Variants in GRM8 observed in about 807,000 individuals in gnomAD.
GRM8 encodes the protein metabotropic glutamate receptor 8.
GRM8 carries 47 observed loss-of-function variants against 87.2 expected under a neutral mutation model. The observed-to-expected ratio is 0.54, with a 90% CI of 0.43 to 0.69. GRM8 has a LOEUF of 0.69. Among genes scored for constraint, GRM8 ranks in the 30% least tolerant of loss-of-function variants. The probability of loss-of-function intolerance (pLI) is 0.00; values close to 1 mark genes in which losing one functional copy is unlikely to be tolerated. For missense variants in GRM8, 1,019 were observed against 1,139.2 expected, an observed-to-expected ratio of 0.89 and a Z score of 1.52; for synonymous variants, 396 against 404.5, an observed-to-expected ratio of 0.98 and a Z score of 0.25.
At chr7:126,815,146 T>G (rs1224574440) in intron 6 of GRM8, among the ~76,000 whole-genome samples, 3 of 152,152 alleles carry the variant, frequency 2.0e-5, no homozygotes, top group Admixed American at 2.0e-4. Flanking sequence ...CAACCTCATG[T>G]CATGAATAAT....
intron 9 of GRM8, among the ~76,000 whole-genome samples, chr7:126,456,597 G>A (rs1384192669): frequency 6.9e-6 from 1 of 145,236 alleles, no homozygotes; most frequent in African/African-American, 2.6e-5. Flanking sequence ...CAGGTCCATG[G>A]AGGAGAATGA....
At chr7:126,784,595 C>T (rs1287183455) in intron 6 of GRM8, among the ~76,000 whole-genome samples, 1 of 152,152 alleles carries the variant, frequency 6.6e-6, no homozygotes, top group Non-Finnish European at 1.5e-5. Flanking sequence ...ACACACGTTC[C>T]TAAATAGCCT....
chr7:126,849,753 C>T (rs981893564), intron 6 of GRM8, among the ~76,000 whole-genome samples: 6 of 152,102 alleles, frequency 3.9e-5, no homozygotes, highest in African/African-American at 1.4e-4. Context: ...CTAAGCTTTG[C>T]TCCCACCCAC....
At chr7:126,721,335 T>A (rs1812375345) in intron 7 of GRM8, among the ~76,000 whole-genome samples, 1 of 152,176 alleles carries the variant, frequency 6.6e-6, no homozygotes, top group Admixed American at 6.5e-5. Context: ...AAAGCACTGC[T>A]TTCCCCTTTG....
chr7:127,091,636 C>A (rs569396701), intron 3 of GRM8, among the ~76,000 whole-genome samples: 3 of 126,316 alleles, frequency 2.4e-5, no homozygotes, highest in Non-Finnish European at 5.0e-5. Flanking sequence ...CATCATCCCC[C>A]GTCCCACTTA....
At chr7:127,018,211 G>T (rs1419436) in intron 3 of GRM8, among the ~76,000 whole-genome samples, 56,468 of 151,682 alleles carry the variant, frequency 0.37, 10,828 homozygotes, top group Non-Finnish European at 0.42. Context: ...CATATATAAA[G>T]GGCAGCTGCC....
At position 127,198,486 on chromosome 7, in the gene GRM8, G is replaced by A. The variant is rs115514234; in HGVS notation, c.510+44209C>T. On this transcript the variant is annotated intron_variant, in intron 2 of 10. Transcript: ENST00000339582. ...TGTACAGCTGCTGGGAAGGCCAAAT[G>A]GGCTAATTCTTATAAAGCACCCTGT... is the stretch of plus-strand genomic sequence containing the variant. Among the ~76,000 whole-genome samples, 871 of 152,206 alleles carry A rather than the reference G, an allele frequency of 5.7e-3. 7 individuals are homozygous for A. The highest frequency in any genetic ancestry group is 0.02 in the African/African-American group (836 of 41,518).
intron 8 of GRM8, among the ~76,000 whole-genome samples, chr7:126,576,530 A>G (rs1427639481): frequency 6.6e-6 from 1 of 152,238 alleles, no homozygotes; most frequent in East Asian, 1.9e-4. Context: ...CGATTCATCC[A>G]TCTCGGCCTC....
chr7:126,967,824 C>T (rs976980902), intron 3 of GRM8, among the ~76,000 whole-genome samples: 4 of 152,096 alleles, frequency 2.6e-5, no homozygotes, highest in South Asian at 2.1e-4. Context: ...GAATAGTCCT[C>T]GCTTCAAACA....
At chr7:126,930,181 T>A (rs1805614773) in intron 3 of GRM8, among the ~76,000 whole-genome samples, 2 of 152,214 alleles carry the variant, frequency 1.3e-5, no homozygotes, top group African/African-American at 4.8e-5. Context: ...TCAGCCAGAC[T>A]GCCTGTGCTC....
chr7:126,786,317 C>A (rs10230679), intron 6 of GRM8, among the ~76,000 whole-genome samples: 131 of 152,174 alleles, frequency 8.6e-4, no homozygotes, highest in African/African-American at 3.1e-3. Flanking sequence ...ACCAAATTAA[C>A]GAACTTTTTA....
Position 126,558,115 on chromosome 7 carries a change from G to T in GRM8, c.1495-24228C>A, listed in dbSNP as rs1463084483. Among the ~76,000 whole-genome samples the T allele has an allele frequency of 3.3e-5, 5 of 152,230 alleles. No homozygotes were observed. In the East Asian group the frequency reaches 7.7e-4, roughly 24 times the overall value. Reference sequence around the variant, plus strand: ...ATAAAGCAACTTGAGTAAGCTCAGGGTTAAAAAGGTGGAAGGGTAGGATCA... The same window carrying T: ...ATAAAGCAACTTGAGTAAGCTCAGGTTTAAAAAGGTGGAAGGGTAGGATCA... On this transcript the variant is annotated intron_variant, in intron 8 of 10. Coordinates refer to ENST00000339582, the MANE Select transcript of GRM8 (RefSeq NM_000845.3).
chr7:126,593,652 A>T (rs140089948), intron 8 of GRM8, among the ~76,000 whole-genome samples: 1,821 of 152,188 alleles, frequency 0.012, 33 homozygotes, highest in African/African-American at 0.041. Context: ...CTGCTATAAG[A>T]AAACATAGGT....
chr7:127,054,619 C>T (rs999013233), intron 3 of GRM8, among the ~76,000 whole-genome samples: 10 of 152,034 alleles, frequency 6.6e-5, no homozygotes, highest in Non-Finnish European at 1.3e-4. Flanking sequence ...AACATTTGTA[C>T]CCAAAAGGCT....
chr7:127,052,160 G>A (rs775068692), intron 3 of GRM8, among the ~76,000 whole-genome samples: 4 of 152,180 alleles, frequency 2.6e-5, no homozygotes, highest in Non-Finnish European at 4.4e-5. Context: ...ACCCAATTTT[G>A]TGTTAGCTCT....
chr7:126,535,899 G>A (rs1584981783), intron 8 of GRM8, among the ~76,000 whole-genome samples: 1 of 152,180 alleles, frequency 6.6e-6, no homozygotes, highest in Non-Finnish European at 1.5e-5. Flanking sequence ...TCTGGCTCCA[G>A]TCAAGCCTTC....
chr7:126,847,380 A>C (rs1796795991), intron 6 of GRM8, among the ~76,000 whole-genome samples: 1 of 152,192 alleles, frequency 6.6e-6, no homozygotes, highest in Non-Finnish European at 1.5e-5. Flanking sequence ...TAGATATCTA[A>C]TGCTGTGTAA....
At chr7:126,775,624 G>A (rs950168210) in intron 6 of GRM8, among the ~76,000 whole-genome samples, 1 of 150,916 alleles carries the variant, frequency 6.6e-6, no homozygotes, top group African/African-American at 2.5e-5. Context: ...ACACATGAAA[G>A]TGTGCACCTC....
chr7:126,921,680 G>GA (rs749762749), intron 3 of GRM8, among the ~76,000 whole-genome samples: 14 of 151,902 alleles, frequency 9.2e-5, no homozygotes, highest in East Asian at 3.9e-4. Context: ...AAAATTATAA[G>GA]AAAAAATGAG....
Sources: gnomAD v4.1 joint callset for allele counts (sites outside exome capture counted in the v4.1 genomes callset) on GRCh38, gnomAD v4.1.1 for gene constraint, MANE v1.5 for transcripts, NCBI Gene and HGNC (gene_info 2026-07-23, HGNC 2026-07-21) for gene names.